AK9: variants seen among roughly 807,000 people sequenced by gnomAD.
The protein encoded by AK9 is adenylate kinase domain containing 1.
In AK9, 191 loss-of-function variants were observed where a neutral mutation model predicts 239.6. The ratio of observed to expected loss-of-function variants is 0.80; its 90% CI spans 0.71 to 0.90. The LOEUF is 0.90. AK9 is among the 40% of genes least tolerant of loss of function. The probability of loss-of-function intolerance (pLI) is 0.00; values close to 1 mark genes in which losing one functional copy is unlikely to be tolerated. For synonymous variants in AK9, 689 were observed against 721.0 expected (o/e 0.96, Z 0.71); for missense variants, 1,995 against 2,214.7 (o/e 0.90, Z 1.99).
chr6:109,533,511 G>T (rs765203078), intron 27 of AK9, 41 bp from the exon 28 acceptor site: 3 of 1,475,992 alleles, frequency 2.0e-6, no homozygotes, highest in Non-Finnish European at 2.7e-6. Context: ...TCATTAAAAT[G>T]TTGTAATGGA....
chr6:109,597,703 T>G (rs1273310585), intron 17 of AK9, among the ~76,000 whole-genome samples: 1 of 151,780 alleles, frequency 6.6e-6, no homozygotes, highest in Non-Finnish European at 1.5e-5. Flanking sequence ...GCAACCTCAA[T>G]TCTTGCCTGC....
intron 8 of AK9, among the ~76,000 whole-genome samples, chr6:109,652,490 C>T (rs1799111745): frequency 6.6e-6 from 1 of 152,062 alleles, no homozygotes; most frequent in Admixed American, 6.6e-5. Flanking sequence ...AACATTATAA[C>T]TAAACTTCCC....
chr6:109,649,898 T>C (rs1482722912), intron 8 of AK9, among the ~76,000 whole-genome samples: 1 of 151,940 alleles, frequency 6.6e-6, no homozygotes, highest in Non-Finnish European at 1.5e-5. Flanking sequence ...TATAGACCAA[T>C]GGAACAGAAC....
At chr6:109,551,869 C>T (rs1784410086) in intron 24 of AK9, among the ~76,000 whole-genome samples, 1 of 151,814 alleles carries the variant, frequency 6.6e-6, no homozygotes, top group African/African-American at 2.4e-5. Context: ...CCATCCTCTA[C>T]GTTCCTTCCT....
chr6:109,642,139 C>T (rs1797528335), intron 9 of AK9, among the ~76,000 whole-genome samples: 1 of 152,110 alleles, frequency 6.6e-6, no homozygotes, highest in Non-Finnish European at 1.5e-5. Flanking sequence ...TAGAGCCTCC[C>T]CAAGAGACTT....
intron 12 of AK9, among the ~76,000 whole-genome samples, chr6:109,622,241 T>A (rs1794957742): frequency 6.9e-6 from 1 of 144,838 alleles, no homozygotes; most frequent in South Asian, 2.1e-4. Flanking sequence ...ACATATTATA[T>A]TATATATTAT....
chr6:109,658,173 T>C (rs543860352), intron 7 of AK9, among the ~76,000 whole-genome samples: 1 of 152,184 alleles, frequency 6.6e-6, no homozygotes, highest in Non-Finnish European at 1.5e-5. Context: ...CTTAGAATAG[T>C]TCCTACAAGT....
intron 8 of AK9, among the ~76,000 whole-genome samples, chr6:109,655,716 T>C (rs1583454266): frequency 6.6e-6 from 1 of 152,200 alleles, no homozygotes; most frequent in Non-Finnish European, 1.5e-5. Context: ...TAAATACAAT[T>C]TTCTACTTTC....
chr6:109,596,864 T>C (rs1264635294), intron 17 of AK9, among the ~76,000 whole-genome samples: 1 of 152,208 alleles, frequency 6.6e-6, no homozygotes, highest in East Asian at 1.9e-4. Context: ...TACCCAGTAG[T>C]GGGATTGCTG....
At chr6:109,672,318 T>C in intron 3 of AK9, 151 bp from the exon 4 acceptor site, 1 of 712,376 alleles carries the variant, frequency 1.4e-6, no homozygotes. Flanking sequence ...TTACTTCACT[T>C]AAGCCTAACC....
At chr6:109,639,804 C>G (rs1257038920) in intron 10 of AK9, among the ~76,000 whole-genome samples, 1 of 152,116 alleles carries the variant, frequency 6.6e-6, no homozygotes, top group Non-Finnish European at 1.5e-5. Flanking sequence ...AGTCTTTAAT[C>G]CATCTTGAAC....
At chr6:109,632,806 T>C (rs1263098381) in intron 12 of AK9, 117 bp downstream of exon 12, 3 of 1,373,236 alleles carry the variant, frequency 2.2e-6, no homozygotes, top group Non-Finnish European at 2.8e-6. Context: ...TTTTAAAAAC[T>C]GAGTACAAAT....
chr6:109,568,397 C>T (rs966010051), intron 21 of AK9, among the ~76,000 whole-genome samples: 10 of 152,200 alleles, frequency 6.6e-5, no homozygotes, highest in African/African-American at 1.7e-4. Flanking sequence ...CTCACCACTC[C>T]TATTCAACAT....
rs1771608291 is a variant in AK9, at chr6:109,675,675, T to A, written c.71A>T (p.Asn24Ile). The A allele has an allele frequency of 1.3e-6, 2 of 1,598,372 alleles. No individual in the cohort carries two copies. Among genetic ancestry groups the A allele is most frequent in the Non-Finnish European group, 1.7e-6 (2 of 1,173,600 alleles). ...GCAAACAGGTTTGGACAACAAAAAA[T>A]TCCTTTCAGTTTCATCTTCATCAAA... ...DIFDEDETER[N>I]FLLSKPVCFV... Residue 24 changes from asparagine to isoleucine, a missense_variant, in exon 2 of 41, where the codon AAT becomes ATT. Physicochemically the swap from Asn to Ile is moderately radical, Grantham distance 149. Transcript: ENST00000424296.
chr6:109,633,487 T>C (rs1796362369), intron 10 of AK9, among the ~76,000 whole-genome samples, 164 bp from the exon 11 acceptor site: 1 of 152,234 alleles, frequency 6.6e-6, no homozygotes, highest in Non-Finnish European at 1.5e-5. Flanking sequence ...CACTTGTCCT[T>C]GATTTAATAA....
rs149512095 is a variant in AK9, at chr6:109,582,897, C to T, written c.2114+2226G>A. Among the ~76,000 whole-genome samples, 22 of 152,264 alleles carry T rather than the reference C, an allele frequency of 1.4e-4. No individual in the cohort carries two copies. The East Asian group carries it at 4.0e-3, about 28-fold the overall frequency. On this transcript the variant is annotated intron_variant, in intron 19 of 40. Transcript: ENST00000424296. ...ACCCCAACCTTTGGCAACCACTACC[C>T]TTATCGGTCAGCAGCCAACAACACT...
chr6:109,580,989 CATT>C (rs771942696), intron 19 of AK9, among the ~76,000 whole-genome samples: 2 of 151,944 alleles, frequency 1.3e-5, no homozygotes, highest in Admixed American at 6.6e-5. Flanking sequence ...CAAACTTCCT[CATT>C]ATTATTATGT....
intron 12 of AK9, among the ~76,000 whole-genome samples, chr6:109,620,911 C>T (rs1350125002): frequency 6.6e-6 from 1 of 151,150 alleles, no homozygotes; most frequent in East Asian, 1.9e-4. Context: ...AAGAGCATAA[C>T]CATTAGGCAT....
intron 12 of AK9, among the ~76,000 whole-genome samples, chr6:109,619,447 T>A (rs1350342591): frequency 6.6e-6 from 1 of 152,084 alleles, no homozygotes. Context: ...TCATGTAGGA[T>A]ATATGTCTAT....
Sources: gnomAD v4.1 joint callset for allele counts (sites outside exome capture counted in the v4.1 genomes callset) on GRCh38, gnomAD v4.1.1 for gene constraint, MANE v1.5 for transcripts, NCBI Gene and HGNC (gene_info 2026-07-23, HGNC 2026-07-21) for gene names.